Variants in PRELID2 observed in about 807,000 individuals in gnomAD.
PRELID2 encodes the protein PRELI domain-containing protein 2.
In PRELID2, 25 loss-of-function variants were observed where a neutral mutation model predicts 28.4. The ratio of observed to expected loss-of-function variants is 0.88; its 90% CI spans 0.64 to 1.23. PRELID2 has a LOEUF of 1.23. Among genes scored for constraint, PRELID2 ranks in the 50% most tolerant of loss-of-function variants. The probability of loss-of-function intolerance (pLI) is 0.00; values close to 1 mark genes in which losing one functional copy is unlikely to be tolerated. For missense variants in PRELID2, 201 were observed against 214.4 expected, an observed-to-expected ratio of 0.94 and a Z score of 0.39; for synonymous variants, 76 against 71.6, an observed-to-expected ratio of 1.06 and a Z score of -0.31.
intron 1 of PRELID2, among the ~76,000 whole-genome samples, chr5:145,832,994 C>A (rs945651889): frequency 7.6e-6 from 1 of 132,184 alleles, no homozygotes. Flanking sequence ...TGTTCATTTG[C>A]GCATCATTTA....
At chr5:145,442,874 A>C in the PRELID2 span, among the ~76,000 whole-genome samples, 1 of 152,060 alleles carries the variant, frequency 6.6e-6, no homozygotes, top group Non-Finnish European at 1.5e-5. Context: ...ACAGGACATG[A>C]AGCTAGACAA....
the PRELID2 span, among the ~76,000 whole-genome samples, chr5:145,376,740 C>T: frequency 2.0e-5 from 3 of 152,104 alleles, no homozygotes; most frequent in Non-Finnish European, 4.4e-5. Flanking sequence ...ATGGTAATAT[C>T]TCCCTTGTTT....
At chr5:145,242,958 T>A in the PRELID2 span, among the ~76,000 whole-genome samples, 13 of 152,122 alleles carry the variant, frequency 8.5e-5, no homozygotes, top group African/African-American at 2.4e-4. Flanking sequence ...CCATTTCCCA[T>A]TTATTTTCAT....
At chr5:145,251,114 G>T in the PRELID2 span, among the ~76,000 whole-genome samples, 24 of 152,192 alleles carry the variant, frequency 1.6e-4, no homozygotes, top group East Asian at 4.3e-3. Flanking sequence ...AGATAAAAGA[G>T]GAAGTATAAG....
chr5:145,290,683 G>A, the PRELID2 span, among the ~76,000 whole-genome samples: 1 of 151,566 alleles, frequency 6.6e-6, no homozygotes, highest in East Asian at 1.9e-4. Flanking sequence ...AAACCAACAC[G>A]GTACATGTAT....
chr5:145,641,154 T>A (rs1431632340), intron 1 of PRELID2, among the ~76,000 whole-genome samples: 3 of 152,156 alleles, frequency 2.0e-5, no homozygotes, highest in Admixed American at 6.5e-5. Flanking sequence ...GAGGTAAATT[T>A]GACTATTTAA....
chr5:145,297,981 A>G, the PRELID2 span, among the ~76,000 whole-genome samples: 1 of 152,190 alleles, frequency 6.6e-6, no homozygotes, highest in East Asian at 1.9e-4. Context: ...GATACAAACA[A>G]ATGGAAGAAC....
chr5:145,565,327 T>C (rs373078922), intron 1 of PRELID2, among the ~76,000 whole-genome samples: 31 of 152,376 alleles, frequency 2.0e-4, no homozygotes, highest in African/African-American at 7.5e-4. Context: ...TGATTTGCCC[T>C]GTTATTGTTT....
chr5:145,620,196 T>G (rs576509151), intron 1 of PRELID2, among the ~76,000 whole-genome samples: 1 of 152,156 alleles, frequency 6.6e-6, no homozygotes, highest in Non-Finnish European at 1.5e-5. Context: ...AGGAAACATG[T>G]TGAATGCTGA....
the PRELID2 span, among the ~76,000 whole-genome samples, chr5:145,459,448 C>CA: frequency 8.6e-5 from 13 of 151,358 alleles, no homozygotes; most frequent in Admixed American, 5.9e-4. Context: ...CTAGAAAAGT[C>CA]AAAAAAAATA....
At chr5:145,447,261 T>A in the PRELID2 span, among the ~76,000 whole-genome samples, 1 of 151,774 alleles carries the variant, frequency 6.6e-6, no homozygotes, top group African/African-American at 2.4e-5. Context: ...TCAAAATCCA[T>A]CAGTGTTAGT....
rs188261055 is a variant in PRELID2, at chr5:145,805,655, T to C, written c.369-9108A>G. On this transcript the variant is annotated intron_variant, in intron 4 of 6. Transcript: ENST00000683046. ...TCAACAGGCATCCACTAAGATACAA[T>C]TGTGTATCACCTAACAATGAAGATA... Among the ~76,000 whole-genome samples, 312 of 152,284 alleles carry C rather than the reference T, an allele frequency of 2.0e-3. 3 individuals carry two copies. Among genetic ancestry groups the C allele is most frequent in the Non-Finnish European group, 1.4e-3 (96 of 68,028 alleles).
the PRELID2 span, among the ~76,000 whole-genome samples, chr5:145,413,368 T>C: frequency 6.6e-6 from 1 of 151,972 alleles, no homozygotes; most frequent in Non-Finnish European, 1.5e-5. Flanking sequence ...GGGAACACTT[T>C]TACACTGCTG....
chr5:145,810,527 A>G (rs1213893192), intron 4 of PRELID2, among the ~76,000 whole-genome samples: 2 of 152,222 alleles, frequency 1.3e-5, no homozygotes, highest in Admixed American at 1.3e-4. Context: ...TGAGGCACTC[A>G]TAGCCCCAAA....
the PRELID2 span, among the ~76,000 whole-genome samples, chr5:145,419,224 T>A: frequency 1.3e-5 from 2 of 148,312 alleles, no homozygotes; most frequent in Admixed American, 1.4e-4. Context: ...GCATGATTTA[T>A]AGTCCTTTGG....
chr5:145,800,965 A>AGATG (rs905697642), intron 4 of PRELID2, among the ~76,000 whole-genome samples: 11 of 152,138 alleles, frequency 7.2e-5, no homozygotes, highest in East Asian at 3.8e-4. Context: ...AAAAAAGACA[A>AGATG]GATGGATGGA....
chr5:145,675,139 A>T (rs1754788812), intron 1 of PRELID2, among the ~76,000 whole-genome samples: 1 of 152,104 alleles, frequency 6.6e-6, no homozygotes, highest in Admixed American at 6.6e-5. Flanking sequence ...TAAACCCAGA[A>T]AAAAACACTT....
chr5:145,446,302 T>G, the PRELID2 span, among the ~76,000 whole-genome samples: 2 of 152,066 alleles, frequency 1.3e-5, no homozygotes, highest in Middle Eastern at 6.8e-3. Context: ...ACAAATAAAA[T>G]ACATCTCAGT....
chr5:145,699,476 T>C (rs974786568), intron 1 of PRELID2, among the ~76,000 whole-genome samples: 4 of 152,066 alleles, frequency 2.6e-5, no homozygotes, highest in Non-Finnish European at 4.4e-5. Flanking sequence ...GCCAGGTAAA[T>C]GACAAATCTG....
Sources: allele counts gnomAD v4.1 joint callset (sites outside exome capture counted in the v4.1 genomes callset), GRCh38; gene constraint gnomAD v4.1.1; transcripts MANE v1.5; gene names NCBI Gene and HGNC (gene_info 2026-07-23, HGNC 2026-07-21).